Variants in ZRANB3 observed in about 807,000 individuals in gnomAD.
The protein encoded by ZRANB3 is zinc finger RANBP2-type containing 3.
ZRANB3 carries 125 observed loss-of-function variants against 133.8 expected under a neutral mutation model. The ratio of observed to expected loss-of-function variants is 0.93; its 90% CI spans 0.81 to 1.08. ZRANB3 has a LOEUF of 1.08. ZRANB3 is among the 50% of genes least tolerant of loss of function. The pLI, the probability that ZRANB3 is intolerant of heterozygous loss-of-function variation, is 0.00. For missense variants in ZRANB3, 1,229 were observed against 1,275.5 expected (o/e 0.96, Z 0.56); for synonymous variants, 387 against 432.7 (o/e 0.89, Z 1.31).
intron 1 of ZRANB3, among the ~76,000 whole-genome samples, chr2:135,521,745 A>T (rs992980935): frequency 1.3e-5 from 2 of 152,210 alleles, no homozygotes; most frequent in Non-Finnish European, 2.9e-5. Flanking sequence ...ATACGGCAGC[A>T]AGTAATCAAA....
intron 6 of ZRANB3, among the ~76,000 whole-genome samples, chr2:135,334,664 G>A (rs1684291318): frequency 6.6e-6 from 1 of 152,058 alleles, no homozygotes; most frequent in African/African-American, 2.4e-5. Context: ...GGGAGGCCGA[G>A]GCAGGTGGAT....
At position 135,199,296 on chromosome 2, in the gene ZRANB3, T is replaced by G. The variant is rs1458206958; in HGVS notation, c.*1046A>C. The G allele has an allele frequency of 8.1e-6, 1 of 123,242 alleles. No homozygotes were observed. The highest frequency in any genetic ancestry group is 2.8e-4 in the East Asian group (1 of 3,632). The allele number at this position is 123,242 out of a possible 1,614,324, so 7.6% of individuals were successfully genotyped here. On this transcript the variant is annotated 3_prime_UTR_variant, in exon 21 of 21. Transcript: ENST00000264159. ...TTTGATAGTACGCTTAGTTTTTTTT[T>G]TTGTTTGTTTGTTTGTTTGAGACGG...
chr2:135,406,091 G>T (rs1688011128), intron 2 of ZRANB3, among the ~76,000 whole-genome samples: 1 of 151,882 alleles, frequency 6.6e-6, no homozygotes, highest in Non-Finnish European at 1.5e-5. Flanking sequence ...TAATAAAGAA[G>T]AAAAGAGAGA....
chr2:135,376,955 G>T (rs1282380837), intron 3 of ZRANB3, among the ~76,000 whole-genome samples: 4 of 152,212 alleles, frequency 2.6e-5, no homozygotes, highest in African/African-American at 9.6e-5. Context: ...GGGGAATAAG[G>T]TGCTGACCTG....
chr2:135,339,781 T>C (rs1301557186), intron 6 of ZRANB3, among the ~76,000 whole-genome samples: 1 of 152,246 alleles, frequency 6.6e-6, no homozygotes, highest in East Asian at 1.9e-4. Flanking sequence ...AACCTATTTG[T>C]ATTTCCTTTT....
At chr2:135,254,485 C>T (rs956231557) in intron 12 of ZRANB3, among the ~76,000 whole-genome samples, 18 of 152,080 alleles carry the variant, frequency 1.2e-4, no homozygotes, top group East Asian at 3.9e-4. Flanking sequence ...TCGTGGCTCA[C>T]GCCTATAATC....
chr2:135,288,699 G>A (rs1681523021), intron 8 of ZRANB3, among the ~76,000 whole-genome samples: 1 of 152,106 alleles, frequency 6.6e-6, no homozygotes, highest in South Asian at 2.1e-4. Flanking sequence ...ACATAAAGGT[G>A]TTAACAGCAG....
At position 135,456,335 on chromosome 2, in the gene ZRANB3, A is replaced by G. The variant is rs139614370; in HGVS notation, c.161+47994T>C. Among the ~76,000 whole-genome samples, 700 of 152,360 alleles carry G rather than the reference A, an allele frequency of 4.6e-3. 3 individuals carry two copies. The highest frequency in any genetic ancestry group is 7.3e-3 in the Non-Finnish European group (495 of 68,036). ...CTCCATCTAGCTGGCAAGGGGGAAT[A>G]GCAAGAAAACACATGTGGGAAGTGT... On this transcript the variant is annotated intron_variant, in intron 2 of 20. Coordinates refer to ENST00000264159, the MANE Select transcript of ZRANB3 (RefSeq NM_032143.4).
intron 3 of ZRANB3, among the ~76,000 whole-genome samples, chr2:135,357,749 A>G (rs1685503832): frequency 6.6e-6 from 1 of 152,248 alleles, no homozygotes; most frequent in Admixed American, 6.5e-5. Flanking sequence ...CTCTGATAAC[A>G]ACATCTGATC....
At chr2:135,201,445 G>T (rs1438694248) in intron 20 of ZRANB3, among the ~76,000 whole-genome samples, 7 of 152,076 alleles carry the variant, frequency 4.6e-5, no homozygotes. Flanking sequence ...CTGAGGTCAG[G>T]AGTTTGAGAG....
In ZRANB3 at chr2:135,359,574, C is replaced by T. The variant is rs1330960585; in HGVS notation, c.181-5946G>A. ...CTCCAGCCTGGGTGACAGAATGAGA[C>T]CCTGAAAAAAAAAAAAAGGAAACAA... On this transcript the variant is annotated intron_variant, in intron 3 of 20. Coordinates refer to ENST00000264159, the MANE Select transcript of ZRANB3 (RefSeq NM_032143.4). Among the ~76,000 whole-genome samples, 3 of 137,868 alleles carry T rather than the reference C, an allele frequency of 2.2e-5. No homozygotes were observed. The East Asian group carries it at 6.1e-4, about 28-fold the overall frequency. The allele number at this position is 137,868 out of a possible 152,430, so 90.4% of individuals were successfully genotyped here. A position where few individuals can be genotyped will look rare whatever the true frequency, so the allele number is the denominator to read the frequency against.
chr2:135,384,655 C>T (rs532801524), intron 3 of ZRANB3, among the ~76,000 whole-genome samples: 3 of 152,144 alleles, frequency 2.0e-5, no homozygotes, highest in Admixed American at 6.6e-5. Flanking sequence ...ATGATCAAGT[C>T]GGCTTCATCC....
At chr2:135,263,998 G>A (rs1680097642) in intron 12 of ZRANB3, among the ~76,000 whole-genome samples, 1 of 149,998 alleles carries the variant, frequency 6.7e-6, no homozygotes, top group Non-Finnish European at 1.5e-5. Context: ...GTGTTGGCCA[G>A]GCTGATCTCG....
chr2:135,407,603 T>C (rs1373313497), intron 2 of ZRANB3, among the ~76,000 whole-genome samples: 9 of 151,186 alleles, frequency 6.0e-5, no homozygotes, highest in East Asian at 1.9e-4. Context: ...CAAAACAGCA[T>C]GGTACTAGTA....
At chr2:135,385,528 A>G in intron 3 of ZRANB3, among the ~76,000 whole-genome samples, 1 of 152,204 alleles carries the variant, frequency 6.6e-6, no homozygotes, top group East Asian at 1.9e-4. Flanking sequence ...TGTATTGCCA[A>G]GACAATCCTA....
At chr2:135,362,055 G>A (rs1002206385) in intron 3 of ZRANB3, among the ~76,000 whole-genome samples, 4 of 151,892 alleles carry the variant, frequency 2.6e-5, no homozygotes, top group East Asian at 1.9e-4. Context: ...ACAATTAGCC[G>A]GGCATGGTGG....
chr2:135,302,784 A>G (rs1357283888), intron 8 of ZRANB3, among the ~76,000 whole-genome samples: 1 of 152,164 alleles, frequency 6.6e-6, no homozygotes, highest in Non-Finnish European at 1.5e-5. Flanking sequence ...TTGGCCTCCC[A>G]AAGTGCTGGG....
At chr2:135,467,988 A>G (rs1367528959) in intron 2 of ZRANB3, among the ~76,000 whole-genome samples, 1 of 152,218 alleles carries the variant, frequency 6.6e-6, no homozygotes, top group African/African-American at 2.4e-5. Flanking sequence ...TGCAGAATTT[A>G]TATTTTAGAA....
In ZRANB3 at chr2:135,315,455, G is replaced by A. The variant is rs758444159; in HGVS notation, c.753C>T (p.Asp251=). The change falls in exon 7 of 21, where the codon GAC becomes GAT. Residue 251 remains aspartate, a synonymous_variant. Coordinates refer to ENST00000264159, the MANE Select transcript of ZRANB3 (RefSeq NM_032143.4). The part of the protein sequence containing the change: ...NLNELHQLLS[D]IMIRRLKTEV... ...CAGTCTTTAATCTTCTAATCATTAT[G>A]TCACTTAATAGCTGGTGAAGTTCAT... 11 of 1,600,004 alleles carry A rather than the reference G, an allele frequency of 6.9e-6. No individual in the cohort carries two copies. Among genetic ancestry groups the A allele is most frequent in the Non-Finnish European group, 6.0e-6 (7 of 1,174,364 alleles).
Sources: allele counts gnomAD v4.1 joint callset (sites outside exome capture counted in the v4.1 genomes callset), GRCh38; gene constraint gnomAD v4.1.1; transcripts MANE v1.5; gene names NCBI Gene and HGNC (gene_info 2026-07-23, HGNC 2026-07-21).